Variants in ZNF106 observed in about 807,000 individuals in gnomAD.
ZNF106 encodes zinc finger protein 106, also known as SH3-domain binding protein 3.
A neutral mutation model predicts 195.1 loss-of-function variants in ZNF106; 67 were observed. The observed-to-expected ratio is 0.34, with a 90% CI of 0.28 to 0.42. The LOEUF (loss-of-function observed/expected upper bound fraction) is 0.42, where lower values mean the gene tolerates loss of function less well. ZNF106 is among the 10% of genes least tolerant of loss of function. ZNF106 has a pLI of 1.00. For missense variants in ZNF106, 2,118 were observed against 2,304.5 expected (o/e 0.92, Z 1.66); for synonymous variants, 784 against 818.6 (o/e 0.96, Z 0.72).
chr15:42,463,087 C>A (rs554328446), intron 3 of ZNF106, among the ~76,000 whole-genome samples: 4 of 152,108 alleles, frequency 2.6e-5, no homozygotes, highest in African/African-American at 9.6e-5. Flanking sequence ...GCACGAGCAC[C>A]GCGGCCGGCC....
At chr15:42,468,951 C>T (rs558582630) in intron 2 of ZNF106, among the ~76,000 whole-genome samples, 7 of 151,956 alleles carry the variant, frequency 4.6e-5, no homozygotes, top group East Asian at 2.0e-4. Context: ...CTTTGGGAGA[C>T]GGAGGCGGGT....
At chr15:42,464,363 C>T (rs1349638953) in intron 3 of ZNF106, among the ~76,000 whole-genome samples, 3 of 150,868 alleles carry the variant, frequency 2.0e-5, no homozygotes, top group Admixed American at 6.6e-5. Flanking sequence ...CAAAAAACCA[C>T]AAACTTGTAA....
intron 18 of ZNF106, 54 bp downstream of exon 18, chr15:42,422,447 C>G: frequency 4.4e-6 from 7 of 1,587,990 alleles, no homozygotes; most frequent in Non-Finnish European, 6.0e-6. Context: ...ACACTAAACC[C>G]AAATAGACAA....
chr15:42,469,923 G>T (rs1484547709), intron 2 of ZNF106, among the ~76,000 whole-genome samples: 1 of 151,812 alleles, frequency 6.6e-6, no homozygotes, highest in Non-Finnish European at 1.5e-5. Context: ...CAGGATTAAG[G>T]TAATAGCCCC....
At chr15:42,427,979 G>T in intron 15 of ZNF106, 39 bp downstream of exon 15, 1 of 1,535,892 alleles carries the variant, frequency 6.5e-7, no homozygotes, top group Non-Finnish European at 9.0e-7. Flanking sequence ...CTGTTTTCAA[G>T]TGCATGGGAA....
At position 42,451,274 on chromosome 15, in the gene ZNF106, C is replaced by T; in HGVS notation, c.998G>A (p.Gly333Asp). The stretch of plus-strand genomic sequence containing the variant: ...CTGCTCAAAATTGAAGTCGAGTAAG[C>T]CTTCTGAAGGAAATTTATCACTTGT... ...GFTSDKFPSE[G>D]LLDFNFEQLE... The change falls in exon 5 of 22, where the codon GGC becomes GAC. Residue 333 changes from glycine (G) to aspartate (D), a missense_variant. Transcript: ENST00000564754. The T allele has an allele frequency of 6.2e-7, 1 of 1,614,130 alleles. No homozygotes were observed. The highest frequency in any genetic ancestry group is 8.5e-7 in the Non-Finnish European group (1 of 1,180,030).
intron 8 of ZNF106, 46 bp from the exon 9 acceptor site, chr15:42,444,308 A>G: frequency 7.1e-7 from 1 of 1,415,574 alleles, no homozygotes; most frequent in Non-Finnish European, 1.0e-6. Context: ...CCAACTTGTA[A>G]GGTCCTCTAG....
chr15:42,464,662 G>A (rs1041376880), intron 3 of ZNF106, among the ~76,000 whole-genome samples: 2 of 151,684 alleles, frequency 1.3e-5, no homozygotes, highest in African/African-American at 2.4e-5. Context: ...GAGTAGCTGG[G>A]ACTACAGGCA....
rs1268269849 is a variant in ZNF106, at chr15:42,439,825, G to A, written c.3764-12C>T. On this transcript the variant is annotated splice_polypyrimidine_tract_variant and intron_variant, in intron 10 of 21. Transcript: ENST00000564754. ...GTCACTGATCTCTCCTGAATTGAGA[G>A]GAAAAAAATTATTGCATCCTTTTTT... The A allele has an allele frequency of 6.7e-7, 1 of 1,487,476 alleles. No homozygotes were observed. Among genetic ancestry groups the A allele is most frequent in the Non-Finnish European group, 8.9e-7 (1 of 1,121,954 alleles). The allele number at this position is 1,487,476 out of a possible 1,614,324, so 92.1% of individuals were successfully genotyped here.
chr15:42,427,866 C>T, intron 15 of ZNF106, 152 bp downstream of exon 15: 1 of 606,288 alleles, frequency 1.6e-6, no homozygotes, highest in Non-Finnish European at 3.0e-6. Context: ...GTTTCACTTA[C>T]ATCAGAAGAT....
At chr15:42,488,228 G>T (rs990353347) in intron 1 of ZNF106, among the ~76,000 whole-genome samples, 4 of 152,090 alleles carry the variant, frequency 2.6e-5, no homozygotes, top group African/African-American at 9.7e-5. Context: ...AATTGTATAT[G>T]CAATACATAA....
At chr15:42,472,967 C>G (rs1286407201) in intron 1 of ZNF106, among the ~76,000 whole-genome samples, 1 of 149,098 alleles carries the variant, frequency 6.7e-6, no homozygotes, top group East Asian at 2.0e-4. Context: ...GATTGCACCA[C>G]GGCACTCCAG....
In ZNF106 at chr15:42,448,130, G is replaced by A; in HGVS notation, c.3077C>T (p.Thr1026Ile). ...GCCATCATTTTGTTCAGCACCAGAG[G>A]TACAGCTACTATCTGTGGCTGCATC... is the stretch of plus-strand genomic sequence containing the variant. The part of the protein sequence containing the change: ...LADAATDSSC[T>I]SGAEQNDGQS... Residue 1026 changes from threonine (T) to isoleucine (I), a missense_variant, in exon 6 of 22, where the codon ACC becomes ATC. Coordinates refer to ENST00000564754, the MANE Select transcript of ZNF106 (RefSeq NM_001366845.3). The A allele has an allele frequency of 6.2e-7, 1 of 1,614,136 alleles. No homozygotes were observed. Among genetic ancestry groups the A allele is most frequent in the African/African-American group, 1.3e-5 (1 of 75,038 alleles).
intron 3 of ZNF106, among the ~76,000 whole-genome samples, chr15:42,460,361 A>G (rs1264410091): frequency 2.0e-5 from 3 of 152,364 alleles, no homozygotes; most frequent in South Asian, 2.1e-4. Context: ...AGTAGGCAGA[A>G]CTTAACTGTT....
intron 2 of ZNF106, among the ~76,000 whole-genome samples, chr15:42,467,970 T>C (rs2056561648): frequency 6.6e-6 from 1 of 152,140 alleles, no homozygotes; most frequent in Non-Finnish European, 1.5e-5. Context: ...AAATTTTTCA[T>C]TATATACAGT....
chr15:42,433,627 T>A (rs570088469), intron 14 of ZNF106, among the ~76,000 whole-genome samples: 5 of 151,506 alleles, frequency 3.3e-5, no homozygotes, highest in Non-Finnish European at 7.4e-5. Flanking sequence ...GGATTACAGG[T>A]GTGCGTCACC....
chr15:42,478,414 G>A (rs779614967), intron 1 of ZNF106, among the ~76,000 whole-genome samples: 19 of 151,662 alleles, frequency 1.3e-4, no homozygotes, highest in Non-Finnish European at 2.1e-4. Flanking sequence ...CACCTGCCTC[G>A]GCCTCCCAAA....
At chr15:42,447,169 T>G (rs911314489) in intron 6 of ZNF106, among the ~76,000 whole-genome samples, 1 of 152,234 alleles carries the variant, frequency 6.6e-6, no homozygotes, top group Non-Finnish European at 1.5e-5. Flanking sequence ...AATTGCAATT[T>G]GAAGCAAGTC....
At chr15:42,457,467 G>A in intron 3 of ZNF106, 1 of 1,235,662 alleles carries the variant, frequency 8.1e-7, no homozygotes, top group Non-Finnish European at 1.0e-6. Context: ...GAAAGGGGAG[G>A]CAGGGCAGGG....
Sources: gnomAD v4.1 joint callset for allele counts (sites outside exome capture counted in the v4.1 genomes callset) on GRCh38, gnomAD v4.1.1 for gene constraint, MANE v1.5 for transcripts, NCBI Gene and HGNC (gene_info 2026-07-23, HGNC 2026-07-21) for gene names.